Variants in RTRAF observed in about 807,000 individuals in gnomAD.
RTRAF encodes the protein RNA transcription, translation and transport factor.
RTRAF carries 14 observed loss-of-function variants against 34.4 expected under a neutral mutation model. That is an observed-to-expected ratio of 0.41 (90% CI 0.27 to 0.64). The LOEUF (loss-of-function observed/expected upper bound fraction) is 0.64. Among genes scored for constraint, RTRAF ranks in the 30% least tolerant of loss-of-function variants. The probability of loss-of-function intolerance (pLI) is 0.34; values close to 1 mark genes in which losing one functional copy is unlikely to be tolerated. For synonymous variants in RTRAF, 96 were observed against 95.3 expected (o/e 1.01, Z -0.04); for missense variants, 291 against 288.4 (o/e 1.01, Z -0.06).
In RTRAF at chr14:52,005,629, A is replaced by G; in HGVS notation, c.*1113A>G. ...AGTAAAGACTGGCCCTCAGGGCAGG[A>G]AGAAGGCAATGGTGGCAGTGTCACA... is the stretch of plus-strand genomic sequence containing the variant. On this transcript the variant is annotated 3_prime_UTR_variant, in exon 8 of 8. Transcript: ENST00000261700. 1 of 1,392,326 alleles carries G rather than the reference A, an allele frequency of 7.2e-7. No homozygotes were observed. The highest frequency in any genetic ancestry group is 1.2e-5 in the South Asian group (1 of 85,344). The allele number at this position is 1,392,326 out of a possible 1,614,324, so 86.2% of individuals were successfully genotyped here.
chr14:52,009,209 T>C lies in RTRAF; in HGVS notation c.*4693T>C, dbSNP rs892175152. 6.6e-6 allele frequency: 1 copy of C among 152,196 alleles called. No homozygotes were observed. Among genetic ancestry groups the C allele is most frequent in the Non-Finnish European group, 1.5e-5 (1 of 68,038 alleles). The allele number at this position is 152,196 out of a possible 1,614,324, so 9.4% of individuals were successfully genotyped here. On this transcript the variant is annotated 3_prime_UTR_variant, in exon 8 of 8. Coordinates refer to ENST00000261700, the MANE Select transcript of RTRAF (RefSeq NM_016039.3). ...AAAAGCTAGAAAGCAGTTTCCACTTTGCGCTAAGGTGGAGGTGGCCAGAGG... is the reference window on the plus strand; with the variant it reads ...AAAAGCTAGAAAGCAGTTTCCACTTCGCGCTAAGGTGGAGGTGGCCAGAGG...
In RTRAF at chr14:51,989,591, T is replaced by G. The variant is rs1362695128; in HGVS notation, c.-49T>G. The G allele has an allele frequency of 7.1e-6, 11 of 1,555,178 alleles. No homozygotes were observed. Among genetic ancestry groups the G allele is most frequent in the Non-Finnish European group, 8.7e-6 (10 of 1,149,664 alleles). On this transcript the variant is annotated 5_prime_UTR_variant, in exon 1 of 8. Transcript: ENST00000261700. ...CCTGCGCCTCCCGCTCCACCTCGCT[T>G]CTTCTCTCCCGGCCGAGGCCCGGGG...
chr14:52,004,991 T>TA lies in RTRAF; in HGVS notation c.*481dup, dbSNP rs1051774014. The TA allele has an allele frequency of 3.0e-4, 47 of 157,232 alleles. No individual in the cohort carries two copies. Among genetic ancestry groups the TA allele is most frequent in the African/African-American group, 2.6e-4 (11 of 41,720 alleles). The allele number at this position is 157,232 out of a possible 1,614,324, so 9.7% of individuals were successfully genotyped here. A position where few individuals can be genotyped will look rare whatever the true frequency, so the allele number is the denominator to read the frequency against. On this transcript the variant is annotated 3_prime_UTR_variant, in exon 8 of 8. Coordinates refer to ENST00000261700, the MANE Select transcript of RTRAF (RefSeq NM_016039.3). The stretch of plus-strand genomic sequence containing the variant: ...AAATAGAAATGCACTGATGCAGAGG[T>TA]AAAAAATCTTAGAACTTTTGTTGGG...
At chr14:51,991,232 CA>C (rs1320197522) in intron 1 of RTRAF, 84 bp from the exon 2 acceptor site, 1 of 1,383,058 alleles carries the variant, frequency 7.2e-7, no homozygotes, top group Non-Finnish European at 1.0e-6. Context: ...GAAAATTCCA[CA>C]AGAACATATA....
intron 1 of RTRAF, 108 bp downstream of exon 1, chr14:51,989,808 C>A: frequency 1.7e-6 from 2 of 1,159,054 alleles, no homozygotes; most frequent in East Asian, 2.9e-5. Context: ...GCCTGGTTTC[C>A]GCCGGCAGCC....
In RTRAF at chr14:52,005,255, C is replaced by CTGT. The variant is rs573921017; in HGVS notation, c.*741_*743dup. ...GCTTTAATAAGCAACAGTTAAAATT[C>CTGT]TGTTACCTTTTTAAACTTGCAATAA... On this transcript the variant is annotated 3_prime_UTR_variant, in exon 8 of 8. Transcript: ENST00000261700. 5.7e-4 allele frequency: 222 copies of CTGT among 386,116 alleles called. 1 individual carries two copies. The highest frequency in any genetic ancestry group is 4.1e-3 in the African/African-American group (197 of 47,980). The allele number at this position is 386,116 out of a possible 1,614,324, so 23.9% of individuals were successfully genotyped here.
chr14:52,006,119 T>G lies in RTRAF; in HGVS notation c.*1603T>G. 1 of 464,690 alleles carries G rather than the reference T, an allele frequency of 2.2e-6. No homozygotes were observed. The highest frequency in any genetic ancestry group is 2.3e-5 in the South Asian group (1 of 43,610). The allele number at this position is 464,690 out of a possible 1,614,324, so 28.8% of individuals were successfully genotyped here. On this transcript the variant is annotated 3_prime_UTR_variant, in exon 8 of 8. Transcript: ENST00000261700. The stretch of plus-strand genomic sequence containing the variant: ...TTAGACTTTAATGTTCCACAGTTCC[T>G]CATTTGAGAACTAGTCTAAATAGTA...
At chr14:51,992,632 A>G (rs1022726041) in intron 2 of RTRAF, among the ~76,000 whole-genome samples, 8 of 152,220 alleles carry the variant, frequency 5.3e-5, no homozygotes, top group African/African-American at 1.4e-4. Flanking sequence ...AAACTTTGAA[A>G]TATATTTTTA....
intron 3 of RTRAF, 50 bp downstream of exon 3, chr14:51,993,872 AG>A (rs765588909): frequency 2.4e-4 from 271 of 1,148,538 alleles, no homozygotes; most frequent in Non-Finnish European, 3.4e-4. Context: ...AAGATGGGAA[AG>A]GGAGTGTGAA....
At chr14:52,003,926 T>A (rs1890656577) in intron 6 of RTRAF, 1 of 443,878 alleles carries the variant, frequency 2.3e-6, no homozygotes, top group African/African-American at 2.0e-5. Context: ...GGATATATTG[T>A]TTTGTATGCC....
intron 4 of RTRAF, chr14:51,999,322 A>T (rs148658934): frequency 1.2e-5 from 2 of 162,448 alleles, no homozygotes. Context: ...CGAAAATATC[A>T]TAAGTCAAAA....
In RTRAF at chr14:52,006,813, T is replaced by G. The variant is rs1667334544; in HGVS notation, c.*2297T>G. ...AGCAACTGTAAAATTACCTGTCCTA[T>G]TACTAGTCTCCAGTTTTTAGTAGAG... On this transcript the variant is annotated 3_prime_UTR_variant, in exon 8 of 8. Coordinates refer to ENST00000261700, the MANE Select transcript of RTRAF (RefSeq NM_016039.3). The G allele has an allele frequency of 4.3e-6, 3 of 690,844 alleles. No individual in the cohort carries two copies. The highest frequency in any genetic ancestry group is 4.6e-6 in the Non-Finnish European group (2 of 430,152). 42.8% of individuals were successfully genotyped at this position (690,844 alleles called of 1,614,324 possible). A position where few individuals can be genotyped will look rare whatever the true frequency, so the allele number is the denominator to read the frequency against.
chr14:51,994,953 C>T (rs1012113865), intron 3 of RTRAF, among the ~76,000 whole-genome samples: 38 of 151,758 alleles, frequency 2.5e-4, no homozygotes, highest in Admixed American at 1.3e-4. Context: ...TAAATCCTAC[C>T]CATCTTTTTA....
chr14:52,004,067 A>G, intron 6 of RTRAF, 127 bp from the exon 7 acceptor site: 2 of 788,528 alleles, frequency 2.5e-6, no homozygotes, highest in Non-Finnish European at 4.2e-6. Context: ...CAAAATTCCT[A>G]GTTCCCTTGC....
At chr14:52,003,037 G>A (rs892226257) in intron 6 of RTRAF, among the ~76,000 whole-genome samples, 2 of 152,146 alleles carry the variant, frequency 1.3e-5, no homozygotes, top group East Asian at 1.9e-4. Flanking sequence ...CTATGCTTTG[G>A]AAGGCAGTGT....
chr14:51,993,047 A>G (rs1429844269), intron 2 of RTRAF, among the ~76,000 whole-genome samples: 1 of 152,286 alleles, frequency 6.6e-6, no homozygotes, highest in Non-Finnish European at 1.5e-5. Context: ...AGAAATATGT[A>G]TGTATGTGTG....
At chr14:51,997,475 ACT>A (rs1463589415) in intron 3 of RTRAF, among the ~76,000 whole-genome samples, 2 of 151,838 alleles carry the variant, frequency 1.3e-5, no homozygotes, top group East Asian at 1.9e-4. Flanking sequence ...AGCCTTTTTA[ACT>A]CTGACTTAAA....
intron 2 of RTRAF, among the ~76,000 whole-genome samples, chr14:51,992,067 A>C (rs1443353087): frequency 6.7e-6 from 1 of 150,270 alleles, no homozygotes; most frequent in Non-Finnish European, 1.5e-5. Context: ...GCTTATATTT[A>C]ATGTAAACAG....
chr14:51,999,286 C>T (rs749625437), intron 4 of RTRAF: 1 of 156,306 alleles, frequency 6.4e-6, no homozygotes, highest in African/African-American at 2.4e-5. Context: ...TACTCCTTGA[C>T]TTAGGATGAG....
Sources: allele counts gnomAD v4.1 joint callset (sites outside exome capture counted in the v4.1 genomes callset), GRCh38; gene constraint gnomAD v4.1.1; transcripts MANE v1.5; gene names NCBI Gene and HGNC (gene_info 2026-07-23, HGNC 2026-07-21).